SNX14: variants seen among roughly 807,000 people sequenced by gnomAD.
SNX14 encodes sorting nexin-14.
A neutral mutation model predicts 133.8 loss-of-function variants in SNX14; 93 were observed. That is an observed-to-expected ratio of 0.70 (90% CI 0.59 to 0.83). The LOEUF is 0.83. SNX14 is among the 40% of genes least tolerant of loss of function. The pLI is 0.00. For synonymous variants in SNX14, 368 were observed against 365.6 expected (o/e 1.01, Z -0.07); for missense variants, 945 against 1,094.9 (o/e 0.86, Z 1.93).
At chr6:85,537,962 C>A (rs375102358) in intron 16 of SNX14, among the ~76,000 whole-genome samples, 74 of 152,182 alleles carry the variant, frequency 4.9e-4, no homozygotes, top group African/African-American at 1.6e-3. Flanking sequence ...GTCACGTTCA[C>A]TATGTAATAC....
In SNX14 at chr6:85,508,068, A is replaced by C. The variant is rs769770923; in HGVS notation, c.2654-9T>G. On this transcript the variant is annotated splice_polypyrimidine_tract_variant and intron_variant, in intron 26 of 28. Coordinates refer to ENST00000314673, the MANE Select transcript of SNX14 (RefSeq NM_153816.6). Reference sequence around the variant, plus strand: ...ACACTTGACTAACAGATCTAAACAAAAAGGCCAAATGTGAAATAATTTTAT... The same window carrying C: ...ACACTTGACTAACAGATCTAAACAACAAGGCCAAATGTGAAATAATTTTAT... The C allele has an allele frequency of 1.9e-6, 3 of 1,610,890 alleles. No individual in the cohort carries two copies. Among genetic ancestry groups the C allele is most frequent in the Non-Finnish European group, 1.7e-6 (2 of 1,178,430 alleles).
chr6:85,520,361 A>G (rs938012075), intron 21 of SNX14, among the ~76,000 whole-genome samples: 2 of 132,558 alleles, frequency 1.5e-5, no homozygotes, highest in Non-Finnish European at 3.2e-5. Flanking sequence ...ATTATTTTTT[A>G]CCTTTTTTTT....
At chr6:85,513,055 C>T (rs555410898) in intron 26 of SNX14, among the ~76,000 whole-genome samples, 21 of 152,308 alleles carry the variant, frequency 1.4e-4, no homozygotes, top group African/African-American at 4.3e-4. Flanking sequence ...CTATCCTATA[C>T]CACCTTTTCT....
At chr6:85,587,322 A>C (rs1194059019) in intron 1 of SNX14, among the ~76,000 whole-genome samples, 1 of 152,238 alleles carries the variant, frequency 6.6e-6, no homozygotes, top group East Asian at 1.9e-4. Flanking sequence ...AAAGTTAATT[A>C]AAAAGACAAA....
Position 85,593,719 on chromosome 6 carries a change from C to A in SNX14, c.-1G>T. 1.9e-6 allele frequency: 3 copies of A among 1,613,614 alleles called. No individual in the cohort carries two copies. Among genetic ancestry groups the A allele is most frequent in the Non-Finnish European group, 2.5e-6 (3 of 1,179,918 alleles). On this transcript the variant is annotated 5_prime_UTR_variant, in exon 1 of 29. Transcript: ENST00000314673. ...CCATCGTCCGCACCCAGGGCACCAT[C>A]TCCGTAACGGCGAGGCCGAGACTGC...
At chr6:85,541,735 A>G (rs1408853499) in intron 15 of SNX14, among the ~76,000 whole-genome samples, 1 of 152,202 alleles carries the variant, frequency 6.6e-6, no homozygotes, top group Non-Finnish European at 1.5e-5. Flanking sequence ...CTGGTAATCA[A>G]AACTAATATA....
At position 85,543,667 on chromosome 6, in the gene SNX14, C is replaced by G; in HGVS notation, c.1202G>C (p.Cys401Ser). ...EELQKIYKTY[C>S]LDESIDKIRF... ...AATTTTGTCAATACTTTCATCCAAA[C>G]AGTATGTTTTATAAATCTTCTGCAA... The change falls in exon 13 of 29, where the codon TGT (cysteine) becomes TCT (serine). Residue 401 changes from cysteine to serine, a missense_variant. Transcript: ENST00000314673. The G allele has an allele frequency of 6.3e-7, 1 of 1,587,574 alleles. No individual in the cohort carries two copies. The highest frequency in any genetic ancestry group is 2.3e-5 in the East Asian group (1 of 43,880).
At chr6:85,506,270 G>T (rs762431711) in intron 28 of SNX14, among the ~76,000 whole-genome samples, 17 of 151,904 alleles carry the variant, frequency 1.1e-4, no homozygotes, top group Non-Finnish European at 1.9e-4. Flanking sequence ...TACAAAGTCT[G>T]TAACTGCCAC....
At chr6:85,582,823 A>G (rs529093811) in intron 1 of SNX14, among the ~76,000 whole-genome samples, 20 of 152,328 alleles carry the variant, frequency 1.3e-4, no homozygotes, top group Non-Finnish European at 2.6e-4. Context: ...AAGGATTCAC[A>G]GCCAAATTCT....
At chr6:85,533,921 T>C in intron 17 of SNX14, 121 bp from the exon 18 acceptor site, 1 of 764,476 alleles carries the variant, frequency 1.3e-6, no homozygotes, top group South Asian at 2.1e-5. Context: ...CCCTGAAAGC[T>C]AGGTGATATT....
chr6:85,525,723 G>T (rs1200683426), intron 21 of SNX14, among the ~76,000 whole-genome samples: 1 of 152,076 alleles, frequency 6.6e-6, no homozygotes, highest in Admixed American at 6.5e-5. Flanking sequence ...AAATGCAACT[G>T]TCTTAAACTA....
At chr6:85,588,809 T>C (rs1801870320) in intron 1 of SNX14, 1 of 451,838 alleles carries the variant, frequency 2.2e-6, no homozygotes, top group Non-Finnish European at 4.4e-6. Flanking sequence ...TGATGTAAGC[T>C]AGAGAAAACA....
At chr6:85,580,407 T>C (rs768522951) in intron 1 of SNX14, among the ~76,000 whole-genome samples, 2 of 152,132 alleles carry the variant, frequency 1.3e-5, no homozygotes, top group African/African-American at 2.4e-5. Flanking sequence ...GTCTAGCACA[T>C]TCACTGCTCT....
chr6:85,583,104 T>C (rs1799555110), intron 1 of SNX14, among the ~76,000 whole-genome samples: 1 of 152,148 alleles, frequency 6.6e-6, no homozygotes, highest in Non-Finnish European at 1.5e-5. Context: ...TGGTTCAACA[T>C]ACACAAATCA....
At chr6:85,561,666 C>T (rs937052989) in intron 6 of SNX14, among the ~76,000 whole-genome samples, 18 of 152,042 alleles carry the variant, frequency 1.2e-4, no homozygotes, top group African/African-American at 4.3e-4. Flanking sequence ...GAAAAAAAAT[C>T]AGCATCAGCC....
intron 5 of SNX14, among the ~76,000 whole-genome samples, 165 bp from the exon 6 acceptor site, chr6:85,565,584 A>G (rs552752878): frequency 6.6e-6 from 1 of 152,362 alleles, no homozygotes; most frequent in South Asian, 2.1e-4. Flanking sequence ...TACAAAAAAT[A>G]AAACAAACAT....
chr6:85,567,471 G>T, intron 5 of SNX14, 63 bp downstream of exon 5: 2 of 1,157,984 alleles, frequency 1.7e-6, no homozygotes, highest in Non-Finnish European at 2.5e-6. Flanking sequence ...CATGTCATTA[G>T]CATGCTTAAC....
intron 21 of SNX14, among the ~76,000 whole-genome samples, chr6:85,525,283 T>C (rs1406432174): frequency 6.6e-6 from 1 of 152,178 alleles, no homozygotes; most frequent in Non-Finnish European, 1.5e-5. Context: ...TCACACATCT[T>C]AATTTCCTTT....
At chr6:85,558,936 GAAAA>G (rs11316571) in intron 6 of SNX14, among the ~76,000 whole-genome samples, 1 of 146,432 alleles carries the variant, frequency 6.8e-6, no homozygotes, top group African/African-American at 2.5e-5. Flanking sequence ...CAGAAAACAG[GAAAA>G]AAAAAAAACT....
Sources: gnomAD v4.1 joint callset for allele counts (sites outside exome capture counted in the v4.1 genomes callset) on GRCh38, gnomAD v4.1.1 for gene constraint, MANE v1.5 for transcripts, NCBI Gene and HGNC (gene_info 2026-07-23, HGNC 2026-07-21) for gene names.